CACNA1A: variants seen among roughly 807,000 people sequenced by gnomAD.
CACNA1A encodes calcium voltage-gated channel subunit alpha1 A, also known as voltage-dependent P/Q-type calcium channel subunit alpha-1A.
CACNA1A carries 57 observed loss-of-function variants against 262.4 expected under a neutral mutation model. That is an observed-to-expected ratio of 0.22 (90% CI 0.18 to 0.27). The LOEUF is 0.27. CACNA1A is among the 10% of genes least tolerant of loss of function. The probability of loss-of-function intolerance (pLI) is 1.00; values close to 1 mark genes in which losing one functional copy is unlikely to be tolerated. For missense variants in CACNA1A, 2,526 were observed against 3,562.8 expected, an observed-to-expected ratio of 0.71 and a Z score of 7.41; for synonymous variants, 1,431 against 1,419.3, an observed-to-expected ratio of 1.01 and a Z score of -0.18.
Position 13,321,042 on chromosome 19 carries a change from T to C in CACNA1A, c.1346-3721A>G, listed in dbSNP as rs28570029. Among the ~76,000 whole-genome samples, 44 of 47,350 alleles carry C rather than the reference T, an allele frequency of 9.3e-4. No individual in the cohort carries two copies. The East Asian group carries it at 0.066, about 71-fold the overall frequency. The allele number at this position is 47,350 out of a possible 152,430, so 31.1% of individuals were successfully genotyped here. A position where few individuals can be genotyped will look rare whatever the true frequency, so the allele number is the denominator to read the frequency against. ...TTCTTTTCCTTTTTTTTTTTTTTTC[T>C]TTTTTTTTTGAGATAGAGTCTCATT... is the stretch of plus-strand genomic sequence containing the variant. On this transcript the variant is annotated intron_variant, in intron 10 of 46. Coordinates refer to ENST00000360228, the MANE Select transcript of CACNA1A (RefSeq NM_001127222.2).
At chr19:13,303,710 A>G (rs1018775549) in intron 16 of CACNA1A, 57 bp downstream of exon 16, 4 of 1,552,210 alleles carry the variant, frequency 2.6e-6, no homozygotes, top group Admixed American at 3.3e-5. Context: ...AGCCCCTGCA[A>G]CCTCTCCTCT....
At chr19:13,296,736 C>A (rs1399932723) in intron 19 of CACNA1A, among the ~76,000 whole-genome samples, 1 of 151,588 alleles carries the variant, frequency 6.6e-6, no homozygotes, top group Non-Finnish European at 1.5e-5. Context: ...TCTAACGGCC[C>A]AAAGTGCCTT....
At chr19:13,431,678 T>C (rs2060506705) in intron 3 of CACNA1A, among the ~76,000 whole-genome samples, 1 of 152,134 alleles carries the variant, frequency 6.6e-6, no homozygotes, top group Non-Finnish European at 1.5e-5. Flanking sequence ...ATGTACACAA[T>C]GAAGTACTAT....
At chr19:13,399,475 G>A (rs1411701361) in intron 3 of CACNA1A, among the ~76,000 whole-genome samples, 3 of 150,794 alleles carry the variant, frequency 2.0e-5, no homozygotes, top group Non-Finnish European at 4.4e-5. Context: ...GCTTGGGAAA[G>A]CAGGAGCAAA....
In CACNA1A at chr19:13,221,235, T is replaced by TTTC. The variant is rs547206163; in HGVS notation, c.5731+3431_5731+3432insGAA. Among the ~76,000 whole-genome samples, 399 of 72,146 alleles carry TTTC rather than the reference T, an allele frequency of 5.5e-3. 17 individuals are homozygous for TTTC. Among genetic ancestry groups the TTTC allele is most frequent in the African/African-American group, 0.025 (383 of 15,162 alleles). The allele number at this position is 72,146 out of a possible 152,430, so 47.3% of individuals were successfully genotyped here. A position where few individuals can be genotyped will look rare whatever the true frequency, so the allele number is the denominator to read the frequency against. On this transcript the variant is annotated intron_variant, in intron 38 of 46. Coordinates refer to ENST00000360228, the MANE Select transcript of CACNA1A (RefSeq NM_001127222.2). ...GTTTTTTCTTTTCTTTCTTTCTTTC[T>TTTC]TTTTTTTTTTTTTTTTGAGACAGAG... is the stretch of plus-strand genomic sequence containing the variant.
chr19:13,424,782 CTT>C (rs780441330), intron 3 of CACNA1A, among the ~76,000 whole-genome samples: 36 of 151,582 alleles, frequency 2.4e-4, no homozygotes, highest in Non-Finnish European at 4.7e-4. Context: ...GCCATCTACT[CTT>C]TTAAATAATC....
intron 3 of CACNA1A, among the ~76,000 whole-genome samples, chr19:13,439,749 G>C (rs1430203067): frequency 6.6e-6 from 1 of 151,902 alleles, no homozygotes; most frequent in Admixed American, 6.6e-5. Flanking sequence ...ACACTGACCG[G>C]CTATCTTAGG....
intron 3 of CACNA1A, among the ~76,000 whole-genome samples, chr19:13,379,648 G>A (rs796092889): frequency 6.6e-5 from 10 of 152,224 alleles, no homozygotes; most frequent in East Asian, 1.9e-4. Flanking sequence ...TTACAGGGCC[G>A]GGCGCGGTGG....
At chr19:13,269,101 A>C (rs548244495) in intron 24 of CACNA1A, among the ~76,000 whole-genome samples, 1 of 152,126 alleles carries the variant, frequency 6.6e-6, no homozygotes, top group Admixed American at 6.5e-5. Flanking sequence ...GGCTCAAGTG[A>C]TTCTCCCACC....
chr19:13,207,714 G>A lies in CACNA1A; in HGVS notation c.7120C>T (p.Pro2374Ser), dbSNP rs2054618117. 8 of 1,362,562 alleles carry A rather than the reference G, an allele frequency of 5.9e-6. No homozygotes were observed. The highest frequency in any genetic ancestry group is 1.5e-5 in the African/African-American group (1 of 65,512). 84.4% of individuals were successfully genotyped at this position (1,362,562 alleles called of 1,614,324 possible). A position where few individuals can be genotyped will look rare whatever the true frequency, so the allele number is the denominator to read the frequency against. ...SPRMERRVPG[P>S]ARSESPRACR... ...GCCCTGGGGGACTCGCTCCGGGCCG[G>A]GCCTGGGACCCGCCTCTCCATCCTG... Residue 2374 changes from proline (P) to serine (S), a missense_variant, in exon 47 of 47, where the codon CCG (proline) becomes TCG (serine). Transcript: ENST00000360228. The surrounding 1 kb of genome is among the most constrained non-coding windows in gnomAD (Gnocchi z 5.7).
Position 13,318,890 on chromosome 19 carries a change from C to CTTTTTTTTTT in CACNA1A, c.1346-1579_1346-1570dup, listed in dbSNP as rs751530649. Among the ~76,000 whole-genome samples, 30 of 114,678 alleles carry CTTTTTTTTTT rather than the reference C, an allele frequency of 2.6e-4. 1 individual carries two copies. The highest frequency in any genetic ancestry group is 8.5e-4 in the African/African-American group (23 of 27,092). 75.2% of individuals were successfully genotyped at this position (114,678 alleles called of 152,430 possible). A position where few individuals can be genotyped will look rare whatever the true frequency, so the allele number is the denominator to read the frequency against. ...ATTGAATTTACCTTCTAAAATACAT[C>CTTTTTTTTTT]TTTTTTTTTTTTTTTTGAGACAGGA... On this transcript the variant is annotated intron_variant, in intron 10 of 46. Transcript: ENST00000360228.
intron 7 of CACNA1A, among the ~76,000 whole-genome samples, chr19:13,334,836 A>G (rs1600359528): frequency 6.6e-6 from 1 of 151,586 alleles, no homozygotes; most frequent in Admixed American, 6.6e-5. Context: ...GGAATTTGAG[A>G]CCAGCCTGGA....
intron 3 of CACNA1A, among the ~76,000 whole-genome samples, chr19:13,437,969 C>T (rs375422258): frequency 5.9e-5 from 9 of 152,172 alleles, no homozygotes; most frequent in African/African-American, 2.2e-4. Flanking sequence ...CGCCAACCAC[C>T]TGTGAGGGTT....
At position 13,216,498 on chromosome 19, in the gene CACNA1A, T is replaced by C. The variant is rs1051175467; in HGVS notation, c.5732-1890A>G. Among the ~76,000 whole-genome samples, 5 of 152,162 alleles carry C rather than the reference T, an allele frequency of 3.3e-5. No homozygotes were observed. The South Asian group carries it at 6.2e-4, about 19-fold the overall frequency. ...GATTACAGACATCTGCCTGGCTATT[T>C]TTATATTTTTGTAGAGACAGGGTTT... is the stretch of plus-strand genomic sequence containing the variant. On this transcript the variant is annotated intron_variant, in intron 38 of 46. Transcript: ENST00000360228.
chr19:13,464,870 C>G (rs988367866), intron 1 of CACNA1A, among the ~76,000 whole-genome samples: 2 of 151,696 alleles, frequency 1.3e-5, no homozygotes, highest in Admixed American at 6.6e-5. Flanking sequence ...TTTTGCCCTT[C>G]TAGGTCTTGG....
chr19:13,300,503 G>T, intron 18 of CACNA1A, 47 bp downstream of exon 18: 1 of 1,313,150 alleles, frequency 7.6e-7, no homozygotes. Context: ...GGGATAGTGT[G>T]GACGTTCAGG....
At chr19:13,497,243 T>C (rs1981640899) in intron 1 of CACNA1A, among the ~76,000 whole-genome samples, 1 of 151,796 alleles carries the variant, frequency 6.6e-6, no homozygotes, top group Admixed American at 6.6e-5. Context: ...TCTCAGCTGA[T>C]TCTAGGTGAA....
chr19:13,271,226 T>G (rs893456012), intron 24 of CACNA1A: 1 of 142,550 alleles, frequency 7.0e-6, no homozygotes, highest in African/African-American at 2.6e-5. Flanking sequence ...TTTTTTTTTT[T>G]TTTTTTTTTT....
chr19:13,490,920 G>A lies in CACNA1A; in HGVS notation c.293+15012C>T, dbSNP rs943000813. On this transcript the variant is annotated intron_variant, in intron 1 of 46. Coordinates refer to ENST00000360228, the MANE Select transcript of CACNA1A (RefSeq NM_001127222.2). ...AGTAAGGAAGGAAGAAGGAAGGGAG[G>A]GAGGGAGGGAAAGAGAAAGGAAAGG... Among the ~76,000 whole-genome samples the A allele has an allele frequency of 2.9e-4, 42 of 142,582 alleles. 1 individual carries two copies. Among genetic ancestry groups the A allele is most frequent in the African/African-American group, 3.2e-4 (12 of 37,920 alleles). The allele number at this position is 142,582 out of a possible 152,430, so 93.5% of individuals were successfully genotyped here.
Sources: allele counts gnomAD v4.1 joint callset (sites outside exome capture counted in the v4.1 genomes callset), GRCh38; gene constraint gnomAD v4.1.1; non-coding constraint Gnocchi (gnomAD v3.1); transcripts MANE v1.5; gene names NCBI Gene and HGNC (gene_info 2026-07-23, HGNC 2026-07-21).